DLG3: variants seen among roughly 807,000 people sequenced by gnomAD.
The protein encoded by DLG3 is discs large MAGUK scaffold protein 3.
Under a neutral mutation model 64.1 loss-of-function variants are expected in DLG3, and 1 was observed. The ratio of observed to expected loss-of-function variants is 0.02; its 90% CI spans 0.01 to 0.07. The LOEUF is 0.07. Among genes scored for constraint, DLG3 ranks in the 10% least tolerant of loss-of-function variants. The pLI is 1.00. For missense variants in DLG3, 429 were observed against 669.5 expected, an observed-to-expected ratio of 0.64 and a Z score of 3.96; for synonymous variants, 245 against 259.8, an observed-to-expected ratio of 0.94 and a Z score of 0.55.
chrX:70,455,002 C>T (rs986561133), intron 9 of DLG3: 17 of 751,149 alleles, frequency 2.3e-5, no homozygotes, highest in South Asian at 6.8e-5. Flanking sequence ...AGCCTGCGGG[C>T]CAGTGGAGTG....
At position 70,498,681 on chromosome X, in the gene DLG3, GACTC is replaced by G. The variant is rs201205441; in HGVS notation, c.1870+113_1870+116del. 6,741 of 680,147 alleles carry G rather than the reference GACTC, an allele frequency of 9.9e-3. 163 individuals are homozygous for G. The highest frequency in any genetic ancestry group is 5.4e-3 in the Non-Finnish European group (2,490 of 457,603). The allele number at this position is 680,147 out of a possible 1,213,427, so 56.1% of individuals were successfully genotyped here. A position where few individuals can be genotyped will look rare whatever the true frequency, so the allele number is the denominator to read the frequency against. ...GGGACCTGGAGGAGGAGGAAGGCTT[GACTC>G]ATGGCACATCCAGCCCCTGGGCTCC... On this transcript the variant is annotated intron_variant, in intron 14 of 18. Transcript: ENST00000374360.
rs778764076 is a variant in DLG3, at chrX:70,450,085, G to T, written c.704-84G>T. Reference sequence around the variant, plus strand: ...CTCCTGTGGGGCCAGTGGGTTGGCTGGGGGAGGGGGTTTGGATTTGGGATC... The same window carrying T: ...CTCCTGTGGGGCCAGTGGGTTGGCTTGGGGAGGGGGTTTGGATTTGGGATC... On this transcript the variant is annotated intron_variant, in intron 4 of 18. Coordinates refer to ENST00000374360, the MANE Select transcript of DLG3 (RefSeq NM_021120.4). The T allele has an allele frequency of 2.7e-5, 31 of 1,146,632 alleles. No individual in the cohort carries two copies. In the South Asian group the frequency reaches 6.1e-4, roughly 23 times the overall value. The allele number at this position is 1,146,632 out of a possible 1,213,427, so 94.5% of individuals were successfully genotyped here. A position where few individuals can be genotyped will look rare whatever the true frequency, so the allele number is the denominator to read the frequency against.
chrX:70,452,645 G>C, intron 7 of DLG3: 2 of 1,195,329 alleles, frequency 1.7e-6, no homozygotes, highest in Non-Finnish European at 2.3e-6. Context: ...GCAAGTTCTC[G>C]GGCTCCGGCT....
chrX:70,493,007 C>T (rs1352543800), intron 12 of DLG3, among the ~76,000 whole-genome samples: 1 of 111,588 alleles, frequency 9.0e-6, no homozygotes, highest in African/African-American at 3.3e-5. Context: ...TTTCTATGAG[C>T]TTCACAGGCC....
intron 9 of DLG3, among the ~76,000 whole-genome samples, chrX:70,478,410 GGACTTAT>G (rs746014407): frequency 1.2e-3 from 135 of 111,596 alleles, no homozygotes; most frequent in African/African-American, 4.1e-3. Flanking sequence ...GGTTAGGGAT[GGACTTAT>G]GACCTCACTG....
rs761291363 is a variant in DLG3, at chrX:70,449,460, A to G, written c.510A>G (p.Ala170=). 1.3e-5 allele frequency: 16 copies of G among 1,211,541 alleles called. No homozygotes were observed. The highest frequency in any genetic ancestry group is 1.8e-5 in the Non-Finnish European group (16 of 895,419). ...IFITKIIPGG[A]AAMDGRLGVN... ...TTACCAAGATTATCCCTGGTGGAGC[A>G]GCTGCCATGGATGGGAGGCTGGGGT... The change falls in exon 3 of 19, where the codon GCA becomes GCG. Residue 170 remains alanine (A), a synonymous_variant. Transcript: ENST00000374360.
chrX:70,477,983 C>G (rs1569284800), intron 9 of DLG3, among the ~76,000 whole-genome samples: 2 of 111,411 alleles, frequency 1.8e-5, no homozygotes, highest in Non-Finnish European at 3.8e-5. Context: ...CTATGGTGCA[C>G]GAAATTGCTT....
chrX:70,480,954 AGGGTG>A (rs1173241638), intron 10 of DLG3, among the ~76,000 whole-genome samples: 1 of 112,385 alleles, frequency 8.9e-6, no homozygotes, highest in Non-Finnish European at 1.9e-5. Flanking sequence ...CTCTGGGGCG[AGGGTG>A]GAGACCATGA....
chrX:70,485,941 C>G (rs1439246959), intron 10 of DLG3, among the ~76,000 whole-genome samples: 1 of 111,312 alleles, frequency 9.0e-6, no homozygotes, highest in Non-Finnish European at 1.9e-5. Flanking sequence ...TAAAGGTCAC[C>G]TCTTAAACAA....
intron 9 of DLG3, among the ~76,000 whole-genome samples, chrX:70,456,778 A>G (rs1015408616): frequency 2.7e-5 from 3 of 110,442 alleles, no homozygotes; most frequent in Non-Finnish European, 3.8e-5. Flanking sequence ...TTTTGAAAAC[A>G]GATCCCTGGA....
At chrX:70,470,361 G>T (rs751826097) in intron 9 of DLG3, among the ~76,000 whole-genome samples, 1 of 110,653 alleles carries the variant, frequency 9.0e-6, no homozygotes, top group East Asian at 2.8e-4. Flanking sequence ...CTCCTGAGTA[G>T]CAGAGATTAT....
intron 9 of DLG3, among the ~76,000 whole-genome samples, chrX:70,462,184 T>G (rs771401548): frequency 9.2e-6 from 1 of 108,248 alleles, no homozygotes; most frequent in East Asian, 2.9e-4. Flanking sequence ...TAGCATAATG[T>G]TTTCAAGATT....
chrX:70,446,203 T>C (rs1177432077), intron 1 of DLG3, among the ~76,000 whole-genome samples: 3 of 110,565 alleles, frequency 2.7e-5, no homozygotes, highest in Non-Finnish European at 5.7e-5. Flanking sequence ...TGTGGCTACA[T>C]GTATATGTGT....
rs12009305 is a variant in DLG3, at chrX:70,496,596, G to A, written c.1819+1143G>A. Among the ~76,000 whole-genome samples the A allele has an allele frequency of 4.4e-3, 497 of 112,575 alleles. 3 individuals carry two copies. The highest frequency in any genetic ancestry group is 0.015 in the African/African-American group (460 of 31,017). On this transcript the variant is annotated intron_variant, in intron 13 of 18. Coordinates refer to ENST00000374360, the MANE Select transcript of DLG3 (RefSeq NM_021120.4). ...TGACATATGTGTCTGGTGGTGGATG[G>A]AGATGCTTCCCCTCTCACCACTGAA...
chrX:70,467,968 G>A (rs1047256681), intron 9 of DLG3, among the ~76,000 whole-genome samples: 1 of 112,129 alleles, frequency 8.9e-6, no homozygotes, highest in Non-Finnish European at 1.9e-5. Flanking sequence ...CGGAATAGGT[G>A]AGAAGGCAAG....
chrX:70,479,287 A>C (rs2087112374), intron 10 of DLG3, 23 bp downstream of exon 10: 1 of 1,117,303 alleles, frequency 9.0e-7, no homozygotes, highest in Non-Finnish European at 1.2e-6. Context: ...TCAGAGCACT[A>C]GCCCTTGTGC....
At chrX:70,475,210 C>T (rs1263487775) in intron 9 of DLG3, among the ~76,000 whole-genome samples, 1 of 111,053 alleles carries the variant, frequency 9.0e-6, no homozygotes, top group African/African-American at 3.3e-5. Flanking sequence ...CACAAATACA[C>T]AATGCAGCAT....
At chrX:70,476,893 C>G (rs1454719712) in intron 9 of DLG3, among the ~76,000 whole-genome samples, 1 of 112,502 alleles carries the variant, frequency 8.9e-6, no homozygotes, top group Non-Finnish European at 1.9e-5. Context: ...TGATGGGCAG[C>G]TGGAACTCTA....
chrX:70,462,881 C>T (rs1043594079), intron 9 of DLG3, among the ~76,000 whole-genome samples: 9 of 111,309 alleles, frequency 8.1e-5, no homozygotes, highest in Non-Finnish European at 1.7e-4. Context: ...AAAAAGATTA[C>T]GTTTTCTTTT....
Sources: gnomAD v4.1 joint callset for allele counts (sites outside exome capture counted in the v4.1 genomes callset) on GRCh38, gnomAD v4.1.1 for gene constraint, MANE v1.5 for transcripts, NCBI Gene and HGNC (gene_info 2026-07-23, HGNC 2026-07-21) for gene names.